The following FBH1 variants were observed in gnomAD, a reference collection of about 807,000 sequenced individuals.
The protein encoded by FBH1 is F-box DNA helicase 1.
A neutral mutation model predicts 115.5 loss-of-function variants in FBH1; 43 were observed. The ratio of observed to expected loss-of-function variants is 0.37; its 90% CI spans 0.29 to 0.48. FBH1 has a LOEUF of 0.48. Among genes scored for constraint, FBH1 ranks in the 20% least tolerant of loss-of-function variants. The pLI, the probability that FBH1 is intolerant of heterozygous loss-of-function variation, is 0.99. For synonymous variants in FBH1, 524 were observed against 507.8 expected (o/e 1.03, Z -0.43); for missense variants, 1,001 against 1,337.3 (o/e 0.75, Z 3.92).
rs1843246466 is a variant in FBH1, at chr10:5,900,075, GTTAGT to G, written c.2-2940_2-2936del. On this transcript the variant is annotated intron_variant, in intron 1 of 20. Transcript: ENST00000362091. The surrounding 1 kb of genome is among the most constrained non-coding windows in gnomAD (Gnocchi z 4.2). ...TCATAATAAGCGAGACATGTTACTG[GTTAGT>G]TTAGAAGGTATTTCCAGTAATACAG... 6.6e-6 allele frequency among the ~76,000 whole-genome samples: 1 copy of G among 152,178 alleles called. No homozygotes were observed. The highest frequency in any genetic ancestry group is 1.5e-5 in the Non-Finnish European group (1 of 68,020).
chr10:5,891,695 C>G (rs1842740852), intron 1 of FBH1, among the ~76,000 whole-genome samples: 1 of 152,178 alleles, frequency 6.6e-6, no homozygotes, highest in Admixed American at 6.5e-5. Context: ...CTGCAACCTC[C>G]CCCTCCCGGG....
rs1309495462 is a variant in FBH1 at position 5,915,735 on chromosome 10, G to A, written c.1565+164G>A. Reference sequence around the variant, plus strand: ...AACAAATACATAGGTTTAGCCATTTGTACTTTTATCCTGTAGCAACATATT... The same window carrying A: ...AACAAATACATAGGTTTAGCCATTTATACTTTTATCCTGTAGCAACATATT... On this transcript the variant is annotated intron_variant, in intron 9 of 20. Coordinates refer to ENST00000362091, the MANE Select transcript of FBH1 (RefSeq NM_178150.3). This position sits in a 1 kb window ranked among gnomAD's most constrained non-coding sequence, Gnocchi z 5.2. The A allele has an allele frequency of 3.1e-6, 2 of 636,958 alleles. No homozygotes were observed. The highest frequency in any genetic ancestry group is 5.4e-6 in the Non-Finnish European group (2 of 371,032). 39.5% of individuals were successfully genotyped at this position (636,958 alleles called of 1,614,324 possible).
rs1364136589 is a variant in FBH1, at chr10:5,917,324, T to G, written c.1789-96T>G. 1 of 997,376 alleles carries G rather than the reference T, an allele frequency of 1.0e-6. No homozygotes were observed. 61.8% of individuals were successfully genotyped at this position (997,376 alleles called of 1,614,324 possible). ...CGGTCCCCCTTCTGTGAGGATGCCC[T>G]GGCTCCACTGCTGTATGGGAGTTGA... On this transcript the variant is annotated intron_variant, in intron 10 of 20. Transcript: ENST00000362091. The surrounding 1 kb of genome is among the most constrained non-coding windows in gnomAD (Gnocchi z 5.6).
rs529702058 is a variant in FBH1, at chr10:5,933,233, C to T, written c.2830-3223C>T. Among the ~76,000 whole-genome samples the T allele has an allele frequency of 5.9e-5, 9 of 152,148 alleles. No individual in the cohort carries two copies. Among genetic ancestry groups the T allele is most frequent in the African/African-American group, 2.2e-4 (9 of 41,546 alleles). On this transcript the variant is annotated intron_variant, in intron 19 of 20. Coordinates refer to ENST00000362091, the MANE Select transcript of FBH1 (RefSeq NM_178150.3). This position sits in a 1 kb window ranked among gnomAD's most constrained non-coding sequence, Gnocchi z 4.9. ...TGAAACCCTGTCTCTACTAAAAATA[C>T]AAAAATTAGCTGGGTGTAGTGGCGT...
chr10:5,895,159 C>T lies in FBH1; in HGVS notation c.1+4813C>T. 1 of 1,613,868 alleles carries T rather than the reference C, an allele frequency of 6.2e-7. No homozygotes were observed. The highest frequency in any genetic ancestry group is 8.5e-7 in the Non-Finnish European group (1 of 1,179,878). On this transcript the variant is annotated intron_variant, in intron 1 of 20. Transcript: ENST00000362091. This position sits in a 1 kb window ranked among gnomAD's most constrained non-coding sequence, Gnocchi z 5.0. ...GGAGATGCCAGAGGACGAGTGCCCA[C>T]TTGCTGGTCTTCACAGAGCACGCTG...
chr10:5,905,458 C>T (rs1295434748), intron 2 of FBH1, among the ~76,000 whole-genome samples: 3 of 152,204 alleles, frequency 2.0e-5, no homozygotes, highest in African/African-American at 7.2e-5. Flanking sequence ...GTGGTGGTTG[C>T]AGTGAGCCAA....
rs1843718028 is a variant in FBH1 at position 5,906,751 on chromosome 10, C to G, written c.753+119C>G. ...TTTCCATTTGCCTTCAGAAGACATT[C>G]AGACTCCTTAGAGGCATTTAAGGCC... On this transcript the variant is annotated intron_variant, in intron 3 of 20. Coordinates refer to ENST00000362091, the MANE Select transcript of FBH1 (RefSeq NM_178150.3). This position sits in a 1 kb window ranked among gnomAD's most constrained non-coding sequence, Gnocchi z 7.3. 2 of 833,848 alleles carry G rather than the reference C, an allele frequency of 2.4e-6. No homozygotes were observed. Among genetic ancestry groups the G allele is most frequent in the Admixed American group, 2.6e-5 (1 of 38,194 alleles). The allele number at this position is 833,848 out of a possible 1,614,324, so 51.7% of individuals were successfully genotyped here. A position where few individuals can be genotyped will look rare whatever the true frequency, so the allele number is the denominator to read the frequency against.
rs1271728996 is a variant in FBH1 at position 5,932,367 on chromosome 10, CA to C, written c.2830-4088del. On this transcript the variant is annotated intron_variant, in intron 19 of 20. Transcript: ENST00000362091. The surrounding 1 kb of genome is among the most constrained non-coding windows in gnomAD (Gnocchi z 5.9). ...TACACTGTTGTGTACTTTGCTTTGT[CA>C]CTTAGAAGCCATGGGAATCACTCTT... Among the ~76,000 whole-genome samples the C allele has an allele frequency of 6.6e-6, 1 of 152,208 alleles. No individual in the cohort carries two copies. Among genetic ancestry groups the C allele is most frequent in the Non-Finnish European group, 1.5e-5 (1 of 68,032 alleles).
chr10:5,931,854 A>G lies in FBH1; in HGVS notation c.2829+4313A>G, dbSNP rs541176840. 5.9e-5 allele frequency among the ~76,000 whole-genome samples: 9 copies of G among 152,290 alleles called. No homozygotes were observed. The South Asian group carries it at 1.9e-3, about 32-fold the overall frequency. ...GGCCTGTTAATGTTTTCAAAGTCAA[A>G]ACCTTGCGCCTGGGCACAGTGGCTC... On this transcript the variant is annotated intron_variant, in intron 19 of 20. Coordinates refer to ENST00000362091, the MANE Select transcript of FBH1 (RefSeq NM_178150.3). The surrounding 1 kb of genome is among the most constrained non-coding windows in gnomAD (Gnocchi z 4.3).
chr10:5,904,345 A>G (rs1843568250), intron 2 of FBH1, among the ~76,000 whole-genome samples: 1 of 152,130 alleles, frequency 6.6e-6, no homozygotes, highest in African/African-American at 2.4e-5. Flanking sequence ...GTTGTCTTTA[A>G]CTATTGTATG....
rs374744286 is a variant in FBH1 at position 5,909,231 on chromosome 10, C to T, written c.957C>T (p.Pro319=). Residue 319 remains proline (P), a synonymous_variant, in exon 5 of 21, where the codon CCC becomes CCT. Coordinates refer to ENST00000362091, the MANE Select transcript of FBH1 (RefSeq NM_178150.3). This position sits in a 1 kb window ranked among gnomAD's most constrained non-coding sequence, Gnocchi z 4.4. ...ERVLWSLRDH[P]LLPEAEACVR... is the part of the protein sequence containing the mutation. ...TGCTGTGGAGTCTGAGGGACCACCC[C>T]CTCCTCCCCGAGGCTGAGGCGTGTG... 6 of 1,613,306 alleles carry T rather than the reference C, an allele frequency of 3.7e-6. No homozygotes were observed. The highest frequency in any genetic ancestry group is 4.2e-6 in the Non-Finnish European group (5 of 1,180,026).
chr10:5,890,520 G>A (rs891674353), intron 1 of FBH1, among the ~76,000 whole-genome samples, 174 bp downstream of exon 1: 11 of 150,772 alleles, frequency 7.3e-5, no homozygotes, highest in Non-Finnish European at 1.3e-4. Context: ...CGTCCGGGCC[G>A]TGGGCAGGTG....
At chr10:5,928,849 A>T (rs1777113034) in intron 19 of FBH1, among the ~76,000 whole-genome samples, 1 of 152,238 alleles carries the variant, frequency 6.6e-6, no homozygotes, top group South Asian at 2.1e-4. Context: ...ACTTAAGTGT[A>T]AAAGTTAATA....
rs1589090186 is a variant in FBH1 at position 5,917,127 on chromosome 10, G to A, written c.1789-293G>A. 2.8e-6 allele frequency: 1 copy of A among 356,216 alleles called. No homozygotes were observed. The highest frequency in any genetic ancestry group is 5.2e-5 in the East Asian group (1 of 19,150). The allele number at this position is 356,216 out of a possible 1,614,324, so 22.1% of individuals were successfully genotyped here. On this transcript the variant is annotated intron_variant, in intron 10 of 20. Transcript: ENST00000362091. This position sits in a 1 kb window ranked among gnomAD's most constrained non-coding sequence, Gnocchi z 5.6. ...ATGTGCCATTGTTTTTGTGAATTAA[G>A]CATCAGTCATAAATCTAGAAGAACA...
rs753016172 is a variant in FBH1 at position 5,906,409 on chromosome 10, C to G, written c.530C>G (p.Ser177Cys). ...AGTACGTCTCGGCTCTCTGCGGAGT[C>G]TGGTGAAACCGACCAAGATGCTGGG... ...EDSTSRLSAE[S>C]GETDQDAGDV... The change falls in exon 3 of 21, where the codon TCT becomes TGT. Residue 177 changes from serine to cysteine, a missense_variant. Ser to Cys is a moderately radical substitution (Grantham distance 112). Transcript: ENST00000362091. The surrounding 1 kb of genome is among the most constrained non-coding windows in gnomAD (Gnocchi z 7.3). 6.2e-7 allele frequency: 1 copy of G among 1,614,170 alleles called. No homozygotes were observed. Among genetic ancestry groups the G allele is most frequent in the South Asian group, 1.1e-5 (1 of 91,090 alleles).
rs138372475 is a variant in FBH1, at chr10:5,918,496, A to C, written c.2100+18A>C. 2 of 1,547,486 alleles carry C rather than the reference A, an allele frequency of 1.3e-6. No individual in the cohort carries two copies. The highest frequency in any genetic ancestry group is 2.2e-5 in the Admixed American group (1 of 45,532). On this transcript the variant is annotated intron_variant, in intron 13 of 20. Transcript: ENST00000362091. This position sits in a 1 kb window ranked among gnomAD's most constrained non-coding sequence, Gnocchi z 4.0. ...TCACGCAGGTAAGTGCGCACTCTGC[A>C]TGGGAGGCATTGCATCTCTCTCCCA...
intron 13 of FBH1, among the ~76,000 whole-genome samples, chr10:5,919,353 G>A (rs1370364875): frequency 2.6e-5 from 4 of 152,026 alleles, no homozygotes; most frequent in Non-Finnish European, 5.9e-5. Flanking sequence ...AGGTGTGGTG[G>A]CTCCCGCCTG....
intron 3 of FBH1, among the ~76,000 whole-genome samples, chr10:5,907,111 C>T (rs559952413): frequency 6.2e-4 from 94 of 151,716 alleles, no homozygotes; most frequent in South Asian, 4.2e-4. Context: ...TACAGGCGTG[C>T]GCCACCACAC....
At chr10:5,922,577 G>A (rs682555) in intron 15 of FBH1, among the ~76,000 whole-genome samples, 2 of 152,216 alleles carry the variant, frequency 1.3e-5, no homozygotes, top group Non-Finnish European at 2.9e-5. Context: ...CCACTTACTA[G>A]CTGTACCATG....
Sources: gnomAD v4.1 joint callset for allele counts (sites outside exome capture counted in the v4.1 genomes callset) on GRCh38, gnomAD v4.1.1 for gene constraint, Gnocchi (gnomAD v3.1) non-coding constraint, MANE v1.5 for transcripts, NCBI Gene and HGNC (gene_info 2026-07-23, HGNC 2026-07-21) for gene names.